The following INPP4B variants were observed in gnomAD, a reference collection of about 807,000 sequenced individuals.
INPP4B encodes inositol polyphosphate 4-phosphatase type II.
INPP4B carries 55 observed loss-of-function variants against 122.5 expected under a neutral mutation model. The observed-to-expected ratio is 0.45, with a 90% CI of 0.36 to 0.56. The LOEUF (loss-of-function observed/expected upper bound fraction) is 0.56. INPP4B is among the 20% of genes least tolerant of loss of function. INPP4B has a pLI of 0.00. For synonymous variants in INPP4B, 403 were observed against 388.7 expected, an observed-to-expected ratio of 1.04 and a Z score of -0.43; for missense variants, 1,000 against 1,097.7, an observed-to-expected ratio of 0.91 and a Z score of 1.26.
intron 2 of INPP4B, among the ~76,000 whole-genome samples, chr4:142,691,240 C>T (rs1760124555): frequency 6.6e-6 from 1 of 152,180 alleles, no homozygotes; most frequent in Non-Finnish European, 1.5e-5. Flanking sequence ...AAAATGATAG[C>T]CCCTTTTACA....
At chr4:142,497,992 T>A (rs1245718264) in intron 2 of INPP4B, among the ~76,000 whole-genome samples, 1 of 152,056 alleles carries the variant, frequency 6.6e-6, no homozygotes, top group Non-Finnish European at 1.5e-5. Context: ...AAGAAAAAAC[T>A]GCAGTCAAAG....
At chr4:142,726,176 C>T (rs771175378) in intron 1 of INPP4B, among the ~76,000 whole-genome samples, 1 of 152,088 alleles carries the variant, frequency 6.6e-6, no homozygotes, top group African/African-American at 2.4e-5. Flanking sequence ...CACATGTGAA[C>T]AAAACTGGCA....
chr4:142,113,558 C>T (rs72946966), intron 21 of INPP4B, among the ~76,000 whole-genome samples: 3 of 151,924 alleles, frequency 2.0e-5, no homozygotes, highest in African/African-American at 7.2e-5. Context: ...GGACCACTGA[C>T]TCTGAGACTT....
rs533806704 is a variant in INPP4B at position 142,480,877 on chromosome 4, T to C, written c.-190-18151A>G. ...AGAAATATCTTTGGCACAAAAGTCATATAGAAAAGGGAATGTCTAAGGGTG... is the reference window on the plus strand; with the variant it reads ...AGAAATATCTTTGGCACAAAAGTCACATAGAAAAGGGAATGTCTAAGGGTG... On this transcript the variant is annotated intron_variant, in intron 2 of 25. Coordinates refer to ENST00000262992, the MANE Select transcript of INPP4B (RefSeq NM_001101669.3). 3.3e-5 allele frequency among the ~76,000 whole-genome samples: 5 copies of C among 152,152 alleles called. No homozygotes were observed. In the South Asian group the frequency reaches 6.2e-4, roughly 19 times the overall value.
At chr4:142,782,857 G>A (rs550227143) in intron 1 of INPP4B, among the ~76,000 whole-genome samples, 8 of 152,076 alleles carry the variant, frequency 5.3e-5, no homozygotes, top group Non-Finnish European at 7.4e-5. Flanking sequence ...CAGAAATAAC[G>A]CCGCATATCT....
chr4:142,708,498 A>G (rs1762722419), intron 2 of INPP4B, among the ~76,000 whole-genome samples: 1 of 152,120 alleles, frequency 6.6e-6, no homozygotes, highest in Non-Finnish European at 1.5e-5. Context: ...GTGCAACCTC[A>G]GGACACTGCT....
intron 2 of INPP4B, among the ~76,000 whole-genome samples, chr4:142,475,410 T>A (rs1269053933): frequency 1.3e-5 from 2 of 151,208 alleles, no homozygotes; most frequent in Non-Finnish European, 2.9e-5. Flanking sequence ...CAGTGCAAAA[T>A]TCTGGCAACT....
At chr4:142,058,164 G>C (rs1758699379) in intron 25 of INPP4B, among the ~76,000 whole-genome samples, 1 of 151,882 alleles carries the variant, frequency 6.6e-6, no homozygotes, top group Admixed American at 6.6e-5. Context: ...CCTGTATTTG[G>C]GCCATGCAAA....
At chr4:142,401,556 T>C (rs1801589597) in intron 7 of INPP4B, among the ~76,000 whole-genome samples, 2 of 152,214 alleles carry the variant, frequency 1.3e-5, no homozygotes, top group South Asian at 2.1e-4. Context: ...AATTGATTTT[T>C]ACTATTTATA....
At chr4:142,082,869 G>A (rs930295298) in intron 24 of INPP4B, among the ~76,000 whole-genome samples, 1 of 152,160 alleles carries the variant, frequency 6.6e-6, no homozygotes, top group African/African-American at 2.4e-5. Context: ...GCTCATGCCT[G>A]TAATCCTAAC....
At chr4:142,122,020 C>A in intron 21 of INPP4B, 108 bp downstream of exon 21, 2 of 716,290 alleles carry the variant, frequency 2.8e-6, no homozygotes, top group Non-Finnish European at 4.7e-6. Flanking sequence ...AGAAAAAAAA[C>A]AAAAGAAATA....
intron 1 of INPP4B, among the ~76,000 whole-genome samples, chr4:142,778,932 C>T (rs898585935): frequency 7.9e-5 from 12 of 152,166 alleles, no homozygotes; most frequent in African/African-American, 2.9e-4. Flanking sequence ...TACAACCAGA[C>T]AATTGAGGGT....
chr4:142,486,521 A>G (rs1021187785), intron 2 of INPP4B, among the ~76,000 whole-genome samples: 5 of 152,128 alleles, frequency 3.3e-5, no homozygotes, highest in Non-Finnish European at 5.9e-5. Flanking sequence ...TTTGTCAAAT[A>G]TATATTTTTG....
At chr4:142,208,846 A>T (rs1223068464) in intron 13 of INPP4B, 50 bp downstream of exon 13, 3 of 1,342,330 alleles carry the variant, frequency 2.2e-6, no homozygotes, top group Admixed American at 4.9e-5. Flanking sequence ...TTCATTTCAC[A>T]TGCAGGAAAT....
intron 1 of INPP4B, among the ~76,000 whole-genome samples, chr4:142,815,067 A>G (rs1779960439): frequency 6.6e-6 from 1 of 152,116 alleles, no homozygotes; most frequent in Non-Finnish European, 1.5e-5. Flanking sequence ...GGAGACTGAC[A>G]TTTTACTTCT....
chr4:142,657,395 G>A (rs1036277805), intron 2 of INPP4B, among the ~76,000 whole-genome samples: 1 of 152,102 alleles, frequency 6.6e-6, no homozygotes, highest in Non-Finnish European at 1.5e-5. Flanking sequence ...GGTAAGGTGT[G>A]GACATATGGA....
intron 1 of INPP4B, among the ~76,000 whole-genome samples, chr4:142,839,158 T>C (rs1273166251): frequency 6.6e-6 from 1 of 152,200 alleles, no homozygotes; most frequent in Non-Finnish European, 1.5e-5. Flanking sequence ...GTCTGCCGCT[T>C]ATAAAAGTAA....
chr4:142,302,695 A>G (rs1761941427), intron 9 of INPP4B, among the ~76,000 whole-genome samples: 1 of 152,162 alleles, frequency 6.6e-6, no homozygotes. Context: ...TTTCACAGCT[A>G]TAATTATAAT....
At chr4:142,810,618 C>T (rs181235605) in intron 1 of INPP4B, among the ~76,000 whole-genome samples, 1 of 152,284 alleles carries the variant, frequency 6.6e-6, no homozygotes, top group African/African-American at 2.4e-5. Context: ...AATCAGCTCA[C>T]CTAACATCTA....
Sources: gnomAD v4.1 joint callset for allele counts (sites outside exome capture counted in the v4.1 genomes callset) on GRCh38, gnomAD v4.1.1 for gene constraint, MANE v1.5 for transcripts, NCBI Gene and HGNC (gene_info 2026-07-23, HGNC 2026-07-21) for gene names.